Variants in CDH13 observed in about 807,000 individuals in gnomAD.
CDH13 encodes the protein cadherin-13.
A neutral mutation model predicts 63.8 loss-of-function variants in CDH13; 24 were observed. The ratio of observed to expected loss-of-function variants is 0.38; its 90% CI spans 0.27 to 0.53. The LOEUF is 0.53. Ranked by LOEUF, CDH13 falls within the 20% of genes least tolerant of loss-of-function variation. CDH13 has a pLI of 0.85. For missense variants in CDH13, 1,049 were observed against 903.1 expected (o/e 1.16, Z -2.07); for synonymous variants, 503 against 355.3 (o/e 1.42, Z -4.67).
chr16:82,961,797 G>A (rs1323859941), intron 2 of CDH13, among the ~76,000 whole-genome samples: 1 of 152,128 alleles, frequency 6.6e-6, no homozygotes, highest in African/African-American at 2.4e-5. Context: ...AGGATAAAAG[G>A]AAATGTCTGG....
At chr16:83,204,635 A>G (rs1050820686) in intron 4 of CDH13, among the ~76,000 whole-genome samples, 1 of 152,154 alleles carries the variant, frequency 6.6e-6, no homozygotes, top group Non-Finnish European at 1.5e-5. Flanking sequence ...ATGCGTTTTT[A>G]TGTGTCTCTA....
intron 10 of CDH13, among the ~76,000 whole-genome samples, chr16:83,687,560 A>G (rs185538616): frequency 5.3e-5 from 8 of 152,324 alleles, no homozygotes; most frequent in Non-Finnish European, 2.9e-5. Context: ...CCAGGCTCCA[A>G]CATTGGAGAT....
At chr16:83,718,628 G>A (rs912488046) in intron 10 of CDH13, among the ~76,000 whole-genome samples, 7 of 152,096 alleles carry the variant, frequency 4.6e-5, no homozygotes, top group African/African-American at 1.7e-4. Context: ...GTGTGATATA[G>A]TATGTTAACG....
At chr16:83,617,607 ATATCT>A (rs1283827551) in intron 8 of CDH13, among the ~76,000 whole-genome samples, 1 of 151,428 alleles carries the variant, frequency 6.6e-6, no homozygotes, top group Non-Finnish European at 1.5e-5. Context: ...TAATATGTAC[ATATCT>A]TAATATGCAC....
At chr16:82,698,488 G>A (rs2030600226) in intron 1 of CDH13, among the ~76,000 whole-genome samples, 1 of 152,230 alleles carries the variant, frequency 6.6e-6, no homozygotes, top group Admixed American at 6.5e-5. Context: ...CATCAGTTAG[G>A]TGGCTCTGCT....
At position 83,047,003 on chromosome 16, in the gene CDH13, C is replaced by G. The variant is rs1352763987; in HGVS notation, c.366+14785C>G. Among the ~76,000 whole-genome samples, 1 of 152,210 alleles carries G rather than the reference C, an allele frequency of 6.6e-6. No individual in the cohort carries two copies. Among genetic ancestry groups the G allele is most frequent in the African/African-American group, 2.4e-5 (1 of 41,462 alleles). On this transcript the variant is annotated intron_variant, in intron 3 of 13. Coordinates refer to ENST00000567109, the MANE Select transcript of CDH13 (RefSeq NM_001257.5). The surrounding 1 kb of genome is among the most constrained non-coding windows in gnomAD (Gnocchi z 4.9). The stretch of plus-strand genomic sequence containing the variant: ...TCAGATGGTTTCCTCAACTGTCTAT[C>G]TTTCTGCAGCAAATCCTTTGACAGA...
intron 1 of CDH13, among the ~76,000 whole-genome samples, chr16:82,663,113 G>C (rs1912162378): frequency 6.6e-6 from 1 of 152,238 alleles, no homozygotes; most frequent in African/African-American, 2.4e-5. Flanking sequence ...AGAGACTGCG[G>C]ATTGCAGGCT....
intron 2 of CDH13, among the ~76,000 whole-genome samples, chr16:82,932,786 T>C (rs2042540113): frequency 6.6e-6 from 1 of 152,204 alleles, no homozygotes; most frequent in Non-Finnish European, 1.5e-5. Flanking sequence ...TAATTTGGTA[T>C]GCTGAAATGG....
intron 9 of CDH13, among the ~76,000 whole-genome samples, chr16:83,671,859 A>G (rs923921859): frequency 1.3e-5 from 2 of 152,332 alleles, no homozygotes; most frequent in Non-Finnish European, 2.9e-5. Flanking sequence ...CAGAAATATT[A>G]GTGGGGGTGG....
At chr16:82,954,308 C>G (rs1905726971) in intron 2 of CDH13, 1 of 152,132 alleles carries the variant, frequency 6.6e-6, no homozygotes. Context: ...CCAGTTCACC[C>G]TGTGGAAGGG....
chr16:82,839,476 C>G (rs577168507), intron 1 of CDH13, among the ~76,000 whole-genome samples: 1 of 152,268 alleles, frequency 6.6e-6, no homozygotes, highest in Non-Finnish European at 1.5e-5. Context: ...GGATATGGGA[C>G]CTCTAAAACC....
chr16:83,446,687 G>A (rs1215058341), intron 6 of CDH13, among the ~76,000 whole-genome samples: 1 of 152,010 alleles, frequency 6.6e-6, no homozygotes, highest in African/African-American at 2.4e-5. Context: ...AGTCTTCCCT[G>A]TAATTAATTT....
At chr16:83,717,862 TC>T (rs1909157079) in intron 10 of CDH13, 2 of 152,222 alleles carry the variant, frequency 1.3e-5, no homozygotes, top group African/African-American at 4.8e-5. Flanking sequence ...CAAACCCCAT[TC>T]AGTTCCTACT....
intron 2 of CDH13, among the ~76,000 whole-genome samples, chr16:83,004,307 G>C (rs1018005842): frequency 3.3e-5 from 5 of 152,158 alleles, no homozygotes; most frequent in Admixed American, 2.0e-4. Flanking sequence ...GAAGAACTTT[G>C]AATTCACAAA....
At chr16:83,393,677 T>C (rs918764) in intron 6 of CDH13, among the ~76,000 whole-genome samples, 74,539 of 152,112 alleles carry the variant, frequency 0.49, 19,509 homozygotes, top group East Asian at 0.76. Context: ...GAATCATTCA[T>C]TCATTGAATT....
intron 1 of CDH13, among the ~76,000 whole-genome samples, chr16:82,700,799 C>T (rs1428525760): frequency 1.3e-5 from 2 of 152,090 alleles, no homozygotes; most frequent in South Asian, 4.1e-4. Flanking sequence ...TCTGGTATGA[C>T]TTCCCAATAC....
At chr16:82,796,680 A>G (rs1033399942) in intron 1 of CDH13, among the ~76,000 whole-genome samples, 1 of 152,252 alleles carries the variant, frequency 6.6e-6, no homozygotes, top group African/African-American at 2.4e-5. Context: ...ATCAGAATGG[A>G]CACTGGCCCT....
chr16:83,069,276 C>T (rs916610983), intron 3 of CDH13, among the ~76,000 whole-genome samples: 2 of 152,196 alleles, frequency 1.3e-5, no homozygotes, highest in Non-Finnish European at 2.9e-5. Flanking sequence ...TATTCATCCA[C>T]AGGGCTCTTT....
intron 1 of CDH13, among the ~76,000 whole-genome samples, chr16:82,683,769 C>G (rs544837012): frequency 6.6e-6 from 1 of 152,310 alleles, no homozygotes; most frequent in South Asian, 2.1e-4. Flanking sequence ...AAATGAGACT[C>G]AAGCCAAGAA....
Sources: gnomAD v4.1 joint callset for allele counts (sites outside exome capture counted in the v4.1 genomes callset) on GRCh38, gnomAD v4.1.1 for gene constraint, Gnocchi (gnomAD v3.1) non-coding constraint, MANE v1.5 for transcripts, NCBI Gene and HGNC (gene_info 2026-07-23, HGNC 2026-07-21) for gene names.